Variants in PSD3 observed in about 807,000 individuals in gnomAD.
PSD3 encodes pleckstrin and Sec7 domain containing 3, also known as PH and SEC7 domain-containing protein 3.
Under a neutral mutation model 105.5 loss-of-function variants are expected in PSD3, and 49 were observed. The observed-to-expected ratio is 0.46, with a 90% CI of 0.37 to 0.59. PSD3 has a LOEUF of 0.59. PSD3 is among the 20% of genes least tolerant of loss of function. PSD3 has a pLI of 0.00. For synonymous variants in PSD3, 557 were observed against 457.8 expected, an observed-to-expected ratio of 1.22 and a Z score of -2.77; for missense variants, 1,561 against 1,263.8, an observed-to-expected ratio of 1.24 and a Z score of -3.57.
intron 11 of PSD3, among the ~76,000 whole-genome samples, chr8:18,624,120 G>A (rs1338148073): frequency 2.6e-5 from 4 of 152,198 alleles, no homozygotes; most frequent in African/African-American, 9.6e-5. Flanking sequence ...TTTTATAGGT[G>A]TATACACCCT....
At chr8:18,924,750 T>G (rs1039286627) in intron 2 of PSD3, 1 of 152,178 alleles carries the variant, frequency 6.6e-6, no homozygotes, top group African/African-American at 2.4e-5. Flanking sequence ...AAGCAGACGC[T>G]CAACATTCAC....
intron 8 of PSD3, among the ~76,000 whole-genome samples, chr8:18,771,379 C>T (rs947955280): frequency 6.6e-6 from 1 of 152,122 alleles, no homozygotes; most frequent in South Asian, 2.1e-4. Flanking sequence ...ATCCAGTTTA[C>T]CTGTGTTTTA....
At chr8:19,020,715 A>T (rs1017989955) in intron 1 of PSD3, among the ~76,000 whole-genome samples, 1 of 152,072 alleles carries the variant, frequency 6.6e-6, no homozygotes, top group Non-Finnish European at 1.5e-5. Flanking sequence ...GAGGTAAGAA[A>T]TGTTGAGATT....
At chr8:18,940,850 TTCTG>T (rs1174377434) in intron 1 of PSD3, among the ~76,000 whole-genome samples, 2 of 152,160 alleles carry the variant, frequency 1.3e-5, no homozygotes, top group African/African-American at 4.8e-5. Context: ...AAAACCACGC[TTCTG>T]TCTGTCAGTT....
At chr8:18,836,029 G>A (rs28698986) in intron 4 of PSD3, among the ~76,000 whole-genome samples, 2,902 of 152,320 alleles carry the variant, frequency 0.019, 91 homozygotes, top group African/African-American at 0.065. Context: ...TCACTTGAAT[G>A]AGAGTAGCAT....
chr8:18,772,808 C>T (rs1279604305), intron 8 of PSD3, among the ~76,000 whole-genome samples: 1 of 152,108 alleles, frequency 6.6e-6, no homozygotes, highest in Non-Finnish European at 1.5e-5. Flanking sequence ...CTGCGCCCGG[C>T]CCTTGTGAAC....
rs142490666 is a variant in PSD3 at position 18,634,576 on chromosome 8, A to C, written c.2217-1770T>G. 9.6e-4 allele frequency among the ~76,000 whole-genome samples: 146 copies of C among 152,144 alleles called. 1 individual carries two copies. The highest frequency in any genetic ancestry group is 1.6e-3 in the Non-Finnish European group (106 of 67,984). On this transcript the variant is annotated intron_variant, in intron 10 of 15. Coordinates refer to ENST00000327040, the MANE Select transcript of PSD3 (RefSeq NM_015310.4). ...TGATCCCACAGTGCATTCTGTTGTC[A>C]TGTCTCTTTAGCGTCTTCCAGTCTG...
At chr8:18,903,568 T>G (rs1471059124) in intron 2 of PSD3, among the ~76,000 whole-genome samples, 1 of 152,146 alleles carries the variant, frequency 6.6e-6, no homozygotes, top group East Asian at 1.9e-4. Context: ...TATAGGCCAG[T>G]GTGTCTCAGC....
intron 1 of PSD3, among the ~76,000 whole-genome samples, chr8:19,050,930 T>C (rs1421149864): frequency 3.3e-5 from 5 of 152,166 alleles, no homozygotes; most frequent in African/African-American, 1.2e-4. Context: ...CCAACTGTCA[T>C]GGTGTCCTGA....
chr8:18,996,813 C>T (rs1300206891), intron 1 of PSD3, among the ~76,000 whole-genome samples: 1 of 151,886 alleles, frequency 6.6e-6, no homozygotes, highest in Non-Finnish European at 1.5e-5. Context: ...CACTGATCAA[C>T]ATTTGGTCCC....
intron 1 of PSD3, among the ~76,000 whole-genome samples, chr8:18,999,172 T>G (rs1826237893): frequency 6.6e-6 from 1 of 151,924 alleles, no homozygotes; most frequent in African/African-American, 2.4e-5. Context: ...ATAATAACCC[T>G]TTTCATTCCT....
chr8:18,665,357 A>G (rs1194353116), intron 9 of PSD3, among the ~76,000 whole-genome samples: 10 of 152,254 alleles, frequency 6.6e-5, no homozygotes, highest in Admixed American at 6.5e-4. Context: ...CAGCAGAGGA[A>G]GTCACTGCAG....
In PSD3 at chr8:18,871,998, G is replaced by T. The variant is rs199779736; in HGVS notation, c.866C>A (p.Ser289Tyr). ...TTTGACCCGGCCTGGGCGTCCCATG[G>T]AGCTGCTTCGATCACATCCCCCTGG... ...EHPGGCDRSSSMGRPGRVKHV... is the reference protein window; with the variant it reads ...EHPGGCDRSSYMGRPGRVKHV... Residue 289 changes from serine to tyrosine, a missense_variant, in exon 3 of 16, where the codon TCC becomes TAC. Ser to Tyr is a moderately radical substitution (Grantham distance 144). Coordinates refer to ENST00000327040, the MANE Select transcript of PSD3 (RefSeq NM_015310.4). 1 of 1,614,098 alleles carries T rather than the reference G, an allele frequency of 6.2e-7. No individual in the cohort carries two copies. Among genetic ancestry groups the T allele is most frequent in the Non-Finnish European group, 8.5e-7 (1 of 1,180,020 alleles).
chr8:18,848,803 G>A (rs1815331860), intron 4 of PSD3, among the ~76,000 whole-genome samples: 1 of 152,196 alleles, frequency 6.6e-6, no homozygotes, highest in Non-Finnish European at 1.5e-5. Context: ...CAGAGACGGT[G>A]GGGATTATGG....
intron 14 of PSD3, among the ~76,000 whole-genome samples, chr8:18,560,338 G>A (rs1231843976): frequency 6.6e-6 from 1 of 152,112 alleles, no homozygotes; most frequent in African/African-American, 2.4e-5. Flanking sequence ...ACACGATGAA[G>A]AAAGACAAAG....
At chr8:19,077,905 A>G (rs1212133323) in intron 1 of PSD3, among the ~76,000 whole-genome samples, 1 of 152,170 alleles carries the variant, frequency 6.6e-6, no homozygotes, top group East Asian at 1.9e-4. Flanking sequence ...AGTCCCAGAG[A>G]ACTAATGTAA....
At chr8:18,891,770 C>A (rs1231035928) in intron 2 of PSD3, among the ~76,000 whole-genome samples, 4 of 152,178 alleles carry the variant, frequency 2.6e-5, no homozygotes. Context: ...CCAAAGAATT[C>A]TTTGTTAATC....
At chr8:18,749,838 C>G (rs139010719) in intron 9 of PSD3, among the ~76,000 whole-genome samples, 1 of 152,232 alleles carries the variant, frequency 6.6e-6, no homozygotes, top group East Asian at 1.9e-4. Context: ...GACCCCTGGG[C>G]AACAACCAAC....
chr8:18,787,696 C>T (rs1213360081), intron 8 of PSD3, among the ~76,000 whole-genome samples: 4 of 152,126 alleles, frequency 2.6e-5, no homozygotes, highest in Non-Finnish European at 1.5e-5. Flanking sequence ...TTTTCAAATG[C>T]TTTCTTATGA....
Sources: allele counts gnomAD v4.1 joint callset (sites outside exome capture counted in the v4.1 genomes callset), GRCh38; gene constraint gnomAD v4.1.1; transcripts MANE v1.5; gene names NCBI Gene and HGNC (gene_info 2026-07-23, HGNC 2026-07-21).